Variants in AQR observed in about 807,000 individuals in gnomAD.
AQR encodes aquarius intron-binding spliceosomal factor, also known as RNA helicase aquarius.
Under a neutral mutation model 180.5 loss-of-function variants are expected in AQR, and 61 were observed. The ratio of observed to expected loss-of-function variants is 0.34; its 90% CI spans 0.28 to 0.42. AQR has a LOEUF of 0.42. Ranked by LOEUF, AQR falls within the 10% of genes least tolerant of loss-of-function variation. The pLI, the probability that AQR is intolerant of heterozygous loss-of-function variation, is 1.00. For missense variants in AQR, 1,281 were observed against 1,798.3 expected (o/e 0.71, Z 5.20); for synonymous variants, 551 against 588.8 (o/e 0.94, Z 0.93).
At chr15:34,869,382 G>A (rs1892782805) in intron 31 of AQR, 1 of 152,070 alleles carries the variant, frequency 6.6e-6, no homozygotes, top group Non-Finnish European at 1.5e-5. Flanking sequence ...AACTTTTATA[G>A]GAGTTCATAT....
intron 18 of AQR, 64 bp downstream of exon 18, chr15:34,906,481 G>A: frequency 6.4e-7 from 1 of 1,554,938 alleles, no homozygotes; most frequent in Non-Finnish European, 8.7e-7. Context: ...AAGCAAAAAG[G>A]GAAAAAGGCA....
chr15:34,896,413 G>A (rs990393008), intron 22 of AQR, among the ~76,000 whole-genome samples: 4 of 152,132 alleles, frequency 2.6e-5, no homozygotes, highest in Admixed American at 2.6e-4. Flanking sequence ...GAACACTGAA[G>A]CGAGCAGCAA....
At chr15:34,883,820 G>A (rs920157458) in intron 26 of AQR, among the ~76,000 whole-genome samples, 2 of 152,118 alleles carry the variant, frequency 1.3e-5, no homozygotes, top group South Asian at 2.1e-4. Flanking sequence ...TATCCAGGGG[G>A]CACTGGGTTC....
Position 34,944,440 on chromosome 15 carries a change from CAG to C in AQR, c.331-14_331-13del. 6.3e-7 allele frequency: 1 copy of C among 1,587,646 alleles called. No homozygotes were observed. The highest frequency in any genetic ancestry group is 8.5e-7 in the Non-Finnish European group (1 of 1,171,186). ...TTCTTCTTAAAAATCTGAAAAGAAA[CAG>C]AATAAAATTCATTTTGTATTGGCTT... On this transcript the variant is annotated splice_polypyrimidine_tract_variant and intron_variant, in intron 5 of 34. Transcript: ENST00000156471.
intron 14 of AQR, among the ~76,000 whole-genome samples, chr15:34,919,069 T>C (rs1372980793): frequency 6.6e-6 from 1 of 151,954 alleles, no homozygotes; most frequent in African/African-American, 2.4e-5. Flanking sequence ...TGAAACCCCA[T>C]CTCTACTAAA....
intron 30 of AQR, 31 bp from the exon 31 acceptor site, chr15:34,870,953 T>A (rs1892807842): frequency 6.3e-7 from 1 of 1,582,916 alleles, no homozygotes. Context: ...GACTGTGCAT[T>A]CATTTGCTTT....
chr15:34,924,419 G>GTA (rs1298761882), intron 13 of AQR, among the ~76,000 whole-genome samples: 12 of 151,582 alleles, frequency 7.9e-5, no homozygotes, highest in Non-Finnish European at 1.5e-4. Flanking sequence ...ACATATAATA[G>GTA]ATTTCAATCA....
chr15:34,874,742 G>A lies in AQR; in HGVS notation c.3360C>T (p.Phe1120=). 1 of 1,613,880 alleles carries A rather than the reference G, an allele frequency of 6.2e-7. No homozygotes were observed. Among genetic ancestry groups the A allele is most frequent in the Non-Finnish European group, 8.5e-7 (1 of 1,179,838 alleles). The change falls in exon 29 of 35, where the codon TTC becomes TTT. Residue 1120 remains phenylalanine (F), a synonymous_variant. Transcript: ENST00000156471. The stretch of plus-strand genomic sequence containing the variant: ...GAACTCCAACGCGAACAAAGCGAGT[G>A]AAGAGAGACTGCTCCATGTTTGAGT... ...QKYSNMEQSL[F]TRFVRVGVPT... is the part of the protein sequence containing the mutation.
At chr15:34,870,333 T>C (rs539699568) in intron 31 of AQR, 1 of 152,470 alleles carries the variant, frequency 6.6e-6, no homozygotes, top group Non-Finnish European at 1.5e-5. Flanking sequence ...TTTGATTACA[T>C]AAAAAATATA....
Position 34,964,223 on chromosome 15 carries a change from A to T in AQR, c.132+11T>A. 1 of 1,589,868 alleles carries T rather than the reference A, an allele frequency of 6.3e-7. No homozygotes were observed. ...CTTCTCAAGAATTATGTTGAAACCA[A>T]AAATACTTACCTTTATATCAAAAGG... is the stretch of plus-strand genomic sequence containing the variant. On this transcript the variant is annotated intron_variant, in intron 2 of 34. Transcript: ENST00000156471.
intron 32 of AQR, 100 bp from the exon 33 acceptor site, chr15:34,863,141 C>A: frequency 2.7e-6 from 3 of 1,113,220 alleles, no homozygotes; most frequent in Admixed American, 2.9e-5. Context: ...CCTGTTAAGC[C>A]CTGGCAATAA....
At chr15:34,966,364 C>T (rs1415299935) in intron 1 of AQR, among the ~76,000 whole-genome samples, 1 of 152,080 alleles carries the variant, frequency 6.6e-6, no homozygotes, top group African/African-American at 2.4e-5. Context: ...CAAGATGTCC[C>T]CTCTACCTAG....
intron 23 of AQR, among the ~76,000 whole-genome samples, chr15:34,892,264 C>T (rs868778322): frequency 3.3e-5 from 5 of 152,240 alleles, no homozygotes; most frequent in African/African-American, 1.2e-4. Context: ...AGAATACAGT[C>T]CCTTCATGTA....
intron 32 of AQR, 86 bp from the exon 33 acceptor site, chr15:34,863,127 T>C (rs1225365300): frequency 1.6e-6 from 2 of 1,270,722 alleles, no homozygotes; most frequent in Admixed American, 2.6e-5. Context: ...TTTCATTAGA[T>C]AGTCCTGTTA....
chr15:34,900,990 C>T (rs1165214404), intron 19 of AQR, 127 bp from the exon 20 acceptor site: 7 of 1,242,452 alleles, frequency 5.6e-6, no homozygotes, highest in South Asian at 1.7e-5. Context: ...AGCTATTTTC[C>T]GCTGGCTGAC....
rs528607389 is a variant in AQR, at chr15:34,889,877, A to G, written c.2681+338T>C. ...AAATTAAATTCCTGAATAAGATGTG[A>G]AAAAGGAATCATTTAAAGTTGTACA... is the stretch of plus-strand genomic sequence containing the variant. On this transcript the variant is annotated intron_variant, in intron 24 of 34. Coordinates refer to ENST00000156471, the MANE Select transcript of AQR (RefSeq NM_014691.3). Among the ~76,000 whole-genome samples the G allele has an allele frequency of 3.9e-5, 6 of 152,348 alleles. No homozygotes were observed. The South Asian group carries it at 6.2e-4, about 16-fold the overall frequency.
At chr15:34,890,418 G>A (rs1241662753) in intron 23 of AQR, 94 bp from the exon 24 acceptor site, 1 of 996,740 alleles carries the variant, frequency 1.0e-6, no homozygotes, top group Non-Finnish European at 1.5e-6. Context: ...AAGGAAATCA[G>A]CCTTATATTA....
chr15:34,946,851 T>C (rs1387775967), intron 5 of AQR, among the ~76,000 whole-genome samples: 15 of 131,974 alleles, frequency 1.1e-4, no homozygotes, highest in Non-Finnish European at 2.4e-4. Flanking sequence ...GAGGAGCCCC[T>C]CTGCCCAGCC....
At chr15:34,919,358 T>A (rs1893647964) in intron 14 of AQR, among the ~76,000 whole-genome samples, 1 of 151,930 alleles carries the variant, frequency 6.6e-6, no homozygotes, top group Non-Finnish European at 1.5e-5. Context: ...ATAGAAAAAA[T>A]CATGATATCT....
Sources: gnomAD v4.1 joint callset for allele counts (sites outside exome capture counted in the v4.1 genomes callset) on GRCh38, gnomAD v4.1.1 for gene constraint, MANE v1.5 for transcripts, NCBI Gene and HGNC (gene_info 2026-07-23, HGNC 2026-07-21) for gene names.